Variants in KCNQ2 observed in about 807,000 individuals in gnomAD.
KCNQ2 encodes the protein potassium voltage-gated channel subfamily KQT member 2.
A neutral mutation model predicts 84.8 loss-of-function variants in KCNQ2; 14 were observed. The observed-to-expected ratio is 0.17, with a 90% CI of 0.11 to 0.26. The LOEUF (loss-of-function observed/expected upper bound fraction) is 0.26, where lower values mean the gene tolerates loss of function less well. KCNQ2 is among the 10% of genes least tolerant of loss of function. The pLI is 1.00. For synonymous variants in KCNQ2, 599 were observed against 554.1 expected (o/e 1.08, Z -1.14); for missense variants, 788 against 1,254.0 (o/e 0.63, Z 5.61).
At chr20:63,434,976 C>T (rs1296150705) in intron 7 of KCNQ2, among the ~76,000 whole-genome samples, 1 of 152,216 alleles carries the variant, frequency 6.6e-6, no homozygotes, top group Non-Finnish European at 1.5e-5. Context: ...GGTCACGTGA[C>T]AACTCCACGT....
intron 4 of KCNQ2, among the ~76,000 whole-genome samples, chr20:63,442,836 C>T (rs1170415994): frequency 4.5e-4 from 18 of 40,090 alleles, no homozygotes; most frequent in South Asian, 8.1e-4. Flanking sequence ...ACCATCACCA[C>T]CACCACCATC....
intron 7 of KCNQ2, chr20:63,437,265 C>T (rs1460056989): frequency 1.3e-5 from 2 of 152,198 alleles, no homozygotes; most frequent in Non-Finnish European, 2.9e-5. Flanking sequence ...GGAAGCAGGG[C>T]GCATGGGACC....
chr20:63,462,189 CT>C (rs1568972012), intron 1 of KCNQ2, among the ~76,000 whole-genome samples: 6 of 133,542 alleles, frequency 4.5e-5, no homozygotes, highest in African/African-American at 1.2e-4. Flanking sequence ...AGGGAGGAGG[CT>C]GCATCTACCC....
At chr20:63,456,256 T>C (rs1455353675) in intron 1 of KCNQ2, among the ~76,000 whole-genome samples, 2 of 152,262 alleles carry the variant, frequency 1.3e-5, no homozygotes, top group Middle Eastern at 3.4e-3. Flanking sequence ...GGATATTTCT[T>C]TTCTGGGAAA....
intron 4 of KCNQ2, among the ~76,000 whole-genome samples, chr20:63,443,039 CCATCACCATCATCAGCAT>C (rs2081268059): frequency 7.8e-5 from 2 of 25,592 alleles, no homozygotes; most frequent in Non-Finnish European, 1.6e-4. Flanking sequence ...ATCACCACCA[CCATCACCATCATCAGCAT>C]CACCATCACC....
At position 63,438,461 on chromosome 20, in the gene KCNQ2, ACACAC is replaced by A. The variant is rs1214794387; in HGVS notation, c.1023+159_1023+163del. ...TCAGGGGTTGGAGCCATTTCTCAAC[ACACAC>A]ACTTCACATCCTCGCTCCTTCCACA... On this transcript the variant is annotated intron_variant, in intron 7 of 16. Transcript: ENST00000359125. The surrounding 1 kb of genome is among the most constrained non-coding windows in gnomAD (Gnocchi z 5.1). 2.9e-6 allele frequency: 2 copies of A among 692,268 alleles called. No individual in the cohort carries two copies. Among genetic ancestry groups the A allele is most frequent in the Non-Finnish European group, 5.2e-6 (2 of 386,000 alleles). 42.9% of individuals were successfully genotyped at this position (692,268 alleles called of 1,614,324 possible).
At chr20:63,433,117 CG>C (rs1463484922) in intron 8 of KCNQ2, among the ~76,000 whole-genome samples, 1 of 152,200 alleles carries the variant, frequency 6.6e-6, no homozygotes, top group African/African-American at 2.4e-5. Flanking sequence ...AGCCAGGCAA[CG>C]AAAATCCCAG....
intron 9 of KCNQ2, among the ~76,000 whole-genome samples, chr20:63,429,402 C>T (rs1027457446): frequency 2.0e-5 from 3 of 152,126 alleles, no homozygotes; most frequent in African/African-American, 4.8e-5. Flanking sequence ...ACTGGGGCCA[C>T]GTCCTGGTCT....
In KCNQ2 at chr20:63,413,581, A is replaced by G. The variant is rs1347804873; in HGVS notation, c.1632T>C (p.Cys544=). 1 of 1,575,962 alleles carries G rather than the reference A, an allele frequency of 6.3e-7. No individual in the cohort carries two copies. The highest frequency in any genetic ancestry group is 8.7e-7 in the Non-Finnish European group (1 of 1,147,214). The change falls in exon 15 of 17, where the codon TGT becomes TGC. Residue 544 remains cysteine (C), a splice_region_variant and synonymous_variant. Coordinates refer to ENST00000359125, the MANE Select transcript of KCNQ2 (RefSeq NM_172107.4). The part of the protein sequence containing the change: ...PGLKVSIRAV[C]VMRFLVSKRK... ...GCTTGGACACCAGGAACCGCATGAC[A>G]CTGCAGGGGGGTGGGTGGGGCTGTG...
chr20:63,411,586 G>A (rs1006804690), intron 15 of KCNQ2, among the ~76,000 whole-genome samples: 4 of 152,238 alleles, frequency 2.6e-5, no homozygotes, highest in South Asian at 2.1e-4. Flanking sequence ...TCCTGATAGG[G>A]GCACAGCCTG....
Position 63,434,241 on chromosome 20 carries a change from G to T in KCNQ2, c.1024-338C>A. Reference sequence around the variant, plus strand: ...GCCCCTGGCGGGTATCACCTGTCCTGGGGGTTACCTTCCTGACCTCCTGGT... The same window carrying T: ...GCCCCTGGCGGGTATCACCTGTCCTTGGGGTTACCTTCCTGACCTCCTGGT... On this transcript the variant is annotated intron_variant, in intron 7 of 16. Transcript: ENST00000359125. 4 of 336,444 alleles carry T rather than the reference G, an allele frequency of 1.2e-5. No individual in the cohort carries two copies. In the Admixed American group the frequency reaches 1.4e-4, roughly 12 times the overall value. 20.8% of individuals were successfully genotyped at this position (336,444 alleles called of 1,614,324 possible).
rs370183580 is a variant in KCNQ2 at position 63,400,696 on chromosome 20, G to A, written c.*5948C>T. The A allele has an allele frequency of 7.0e-5, 28 of 398,666 alleles. No individual in the cohort carries two copies. In the South Asian group the frequency reaches 7.6e-4, roughly 11 times the overall value. The allele number at this position is 398,666 out of a possible 1,614,324, so 24.7% of individuals were successfully genotyped here. A position where few individuals can be genotyped will look rare whatever the true frequency, so the allele number is the denominator to read the frequency against. ...CCAGAGGATGGCAGACTGCAATGGC[G>A]TGGGGCGCGGGCATGGCGGGCACAC... On this transcript the variant is annotated 3_prime_UTR_variant, in exon 17 of 17. Transcript: ENST00000359125. This position sits in a 1 kb window ranked among gnomAD's most constrained non-coding sequence, Gnocchi z 8.7.
chr20:63,468,746 C>T (rs114144968), intron 1 of KCNQ2, among the ~76,000 whole-genome samples: 1,726 of 152,344 alleles, frequency 0.011, 24 homozygotes, highest in African/African-American at 0.039. Flanking sequence ...ACAGGCCCTC[C>T]CCGGTGCCAG....
intron 15 of KCNQ2, among the ~76,000 whole-genome samples, chr20:63,411,187 C>T (rs757456905): frequency 3.9e-5 from 6 of 152,196 alleles, no homozygotes; most frequent in Admixed American, 6.5e-5. Context: ...GGCCTCTTCT[C>T]ACGCTTCTTC....
intron 1 of KCNQ2, among the ~76,000 whole-genome samples, chr20:63,451,070 G>A (rs1175849799): frequency 6.6e-6 from 1 of 151,394 alleles, no homozygotes; most frequent in Non-Finnish European, 1.5e-5. Flanking sequence ...CCCAGGAGGC[G>A]GAGGCTGCAG....
chr20:63,442,650 TC>T, intron 4 of KCNQ2, 119 bp from the exon 5 acceptor site: 1 of 732,164 alleles, frequency 1.4e-6, no homozygotes. Flanking sequence ...ACCAAAACCA[TC>T]ACCACCACCA....
intron 1 of KCNQ2, among the ~76,000 whole-genome samples, chr20:63,469,309 G>A (rs1235957116): frequency 6.6e-6 from 1 of 152,254 alleles, no homozygotes; most frequent in African/African-American, 2.4e-5. Flanking sequence ...GCAGAGAGCA[G>A]GTCTGACGCC....
chr20:63,445,171 C>T, intron 3 of KCNQ2, 67 bp downstream of exon 3: 2 of 1,610,798 alleles, frequency 1.2e-6, no homozygotes, highest in Non-Finnish European at 1.7e-6. Context: ...CCAGCTCCCC[C>T]CAGGGCTGAG....
chr20:63,468,530 C>T (rs1320656709), intron 1 of KCNQ2, among the ~76,000 whole-genome samples: 1 of 152,212 alleles, frequency 6.6e-6, no homozygotes, highest in Non-Finnish European at 1.5e-5. Context: ...GTGCTCAGCA[C>T]CACCCGAGTT....
Sources: gnomAD v4.1 joint callset for allele counts (sites outside exome capture counted in the v4.1 genomes callset) on GRCh38, gnomAD v4.1.1 for gene constraint, Gnocchi (gnomAD v3.1) non-coding constraint, MANE v1.5 for transcripts, NCBI Gene and HGNC (gene_info 2026-07-23, HGNC 2026-07-21) for gene names.